BNIP5: variants seen among roughly 807,000 people sequenced by gnomAD.
BNIP5 encodes protein BNIP5.
Under a neutral mutation model 67.3 loss-of-function variants are expected in BNIP5, and 61 were observed. That is an observed-to-expected ratio of 0.91 (90% CI 0.74 to 1.12). BNIP5 has a LOEUF of 1.12. Among genes scored for constraint, BNIP5 ranks in the 50% most tolerant of loss-of-function variants. BNIP5 has a pLI of 0.00. For synonymous variants in BNIP5, 317 were observed against 319.0 expected, an observed-to-expected ratio of 0.99 and a Z score of 0.07; for missense variants, 826 against 816.3, an observed-to-expected ratio of 1.01 and a Z score of -0.14.
chr6:36,323,395 C>A lies in BNIP5; in HGVS notation c.1369G>T (p.Gly457Trp). 1 of 1,614,262 alleles carries A rather than the reference C, an allele frequency of 6.2e-7. No homozygotes were observed. The highest frequency in any genetic ancestry group is 8.5e-7 in the Non-Finnish European group (1 of 1,180,038). The change falls in exon 8 of 12, where the codon GGG becomes TGG. Residue 457 changes from glycine (G) to tryptophan (W), a missense_variant. Coordinates refer to ENST00000437635, the MANE Select transcript of BNIP5 (RefSeq NM_001010903.5). The stretch of plus-strand genomic sequence containing the variant: ...TCTGGGCTGGCAGCCCCTGCTGCCC[C>A]CGCTCTTCTGGGTTCCTTGGAGGTG... ...KHTSKEPRRA[G>W]AAGAASPEAR...
Position 36,324,571 on chromosome 6 carries a change from GATATT to G in BNIP5, c.1169-386_1169-382del, listed in dbSNP as rs1771712444. On this transcript the variant is annotated intron_variant, in intron 6 of 11. Coordinates refer to ENST00000437635, the MANE Select transcript of BNIP5 (RefSeq NM_001010903.5). ...TCCAGGTCTTTTCAGACCTGACGGT[GATATT>G]ATATATATATATATATATATATATA... 4.0e-5 allele frequency among the ~76,000 whole-genome samples: 3 copies of G among 74,248 alleles called. 1 individual carries two copies. The highest frequency in any genetic ancestry group is 7.2e-5 in the Non-Finnish European group (3 of 41,916). The allele number at this position is 74,248 out of a possible 152,430, so 48.7% of individuals were successfully genotyped here.
At chr6:36,333,353 T>C (rs994041224) in intron 1 of BNIP5, among the ~76,000 whole-genome samples, 6 of 152,228 alleles carry the variant, frequency 3.9e-5, no homozygotes, top group Admixed American at 2.6e-4. Context: ...AAAAGGAACA[T>C]CTGGGCTACA....
chr6:36,336,200 C>T (rs1772014118), intron 1 of BNIP5, among the ~76,000 whole-genome samples: 1 of 152,208 alleles, frequency 6.6e-6, no homozygotes, highest in Non-Finnish European at 1.5e-5. Flanking sequence ...GGACTAACTT[C>T]CAAAAACCTT....
intron 2 of BNIP5, 133 bp from the exon 3 acceptor site, chr6:36,328,847 C>T (rs1005682086): frequency 3.0e-6 from 2 of 659,042 alleles, no homozygotes; most frequent in Non-Finnish European, 5.5e-6. Flanking sequence ...CTGCAGCCCG[C>T]TCTAGGCTTA....
intron 10 of BNIP5, 26 bp downstream of exon 10, chr6:36,321,129 C>A (rs1213684904): frequency 1.3e-6 from 2 of 1,548,622 alleles, no homozygotes; most frequent in Non-Finnish European, 8.8e-7. Context: ...CTGGGGTTGG[C>A]CTGGGGAGGG....
Position 36,322,294 on chromosome 6 carries a change from G to A in BNIP5, c.1603+17C>T. 1 of 1,613,918 alleles carries A rather than the reference G, an allele frequency of 6.2e-7. No individual in the cohort carries two copies. The highest frequency in any genetic ancestry group is 8.5e-7 in the Non-Finnish European group (1 of 1,179,862). ...CACCCGGGAAGCTGTCCAGGTAAGA[G>A]CAGGGGTGTTACTGACTAGATTCAC... On this transcript the variant is annotated intron_variant, in intron 9 of 11. Coordinates refer to ENST00000437635, the MANE Select transcript of BNIP5 (RefSeq NM_001010903.5).
At chr6:36,330,037 G>A (rs1458757685) in intron 2 of BNIP5, 44 bp downstream of exon 2, 1 of 1,521,634 alleles carries the variant, frequency 6.6e-7, no homozygotes, top group South Asian at 1.3e-5. Flanking sequence ...AGCAAGTTTA[G>A]AGCACCCTAG....
At chr6:36,320,800 G>A (rs142526539) in intron 10 of BNIP5, among the ~76,000 whole-genome samples, 267 of 152,318 alleles carry the variant, frequency 1.8e-3, no homozygotes, top group South Asian at 4.1e-3. Flanking sequence ...TCAGCCGGGC[G>A]GGTGGGGCCA....
At chr6:36,327,639 T>C (rs1251355572) in intron 3 of BNIP5, among the ~76,000 whole-genome samples, 1 of 152,184 alleles carries the variant, frequency 6.6e-6, no homozygotes, top group Non-Finnish European at 1.5e-5. Context: ...AGAGACAGCC[T>C]GCCACGCTGA....
intron 5 of BNIP5, 52 bp from the exon 6 acceptor site, chr6:36,325,466 A>T (rs1418752438): frequency 4.5e-6 from 7 of 1,563,092 alleles, no homozygotes; most frequent in Non-Finnish European, 6.0e-6. Flanking sequence ...GGGGCTGTTA[A>T]CTATGCACAG....
rs933811477 is a variant in BNIP5 at position 36,321,029 on chromosome 6, G to A, written c.1668+126C>T. ...AATTCTCTCTCATTTTGGAAAAGAG[G>A]AAACCGAGACTCAGAGAGGTTAAGG... On this transcript the variant is annotated intron_variant, in intron 10 of 11. Transcript: ENST00000437635. 8 of 627,570 alleles carry A rather than the reference G, an allele frequency of 1.3e-5. No individual in the cohort carries two copies. The African/African-American group carries it at 1.3e-4, about 10-fold the overall frequency. 38.9% of individuals were successfully genotyped at this position (627,570 alleles called of 1,614,324 possible). A position where few individuals can be genotyped will look rare whatever the true frequency, so the allele number is the denominator to read the frequency against.
rs61230469 is a variant in BNIP5, at chr6:36,322,786, T to C, written c.1472-344A>G. On this transcript the variant is annotated intron_variant, in intron 8 of 11. Transcript: ENST00000437635. ...TTCTCCATCTGTTAAGTGGGAGTGA[T>C]AAGATTGACCTCACAGGGTTGCAAG... 7.8e-3 allele frequency among the ~76,000 whole-genome samples: 1,188 copies of C among 152,224 alleles called. 15 individuals carry two copies. Among genetic ancestry groups the C allele is most frequent in the African/African-American group, 0.026 (1,092 of 41,526 alleles).
At chr6:36,331,321 A>G (rs1771902035) in intron 1 of BNIP5, among the ~76,000 whole-genome samples, 1 of 152,230 alleles carries the variant, frequency 6.6e-6, no homozygotes, top group South Asian at 2.1e-4. Flanking sequence ...CCTGAAAGGA[A>G]CATAGCCCTG....
At chr6:36,330,810 C>T (rs1771888883) in intron 1 of BNIP5, 116 bp from the exon 2 acceptor site, 2 of 1,367,906 alleles carry the variant, frequency 1.5e-6, no homozygotes, top group East Asian at 2.5e-5. Context: ...ATTGCCCAGG[C>T]TGGAGTGCAG....
chr6:36,326,562 G>C lies in BNIP5; in HGVS notation c.984C>G (p.Ser328Arg), dbSNP rs143488492. 6.5e-5 allele frequency: 105 copies of C among 1,614,152 alleles called. 1 individual carries two copies. The highest frequency in any genetic ancestry group is 1.7e-5 in the Admixed American group (1 of 60,016). Residue 328 changes from serine (S) to arginine (R), a missense_variant, in exon 5 of 12, where the codon AGC (serine) becomes AGG (arginine). Ser to Arg is a moderately radical substitution (Grantham distance 110). Coordinates refer to ENST00000437635, the MANE Select transcript of BNIP5 (RefSeq NM_001010903.5). ...SPEAWPPKKS[S>R]FLPLCVSGHR... ...GGCCGCTGACACACAGGGGCAGAAAGCTGGACTTCTTGGGTGGCCAGGCCT... is the reference window on the plus strand; with the variant it reads ...GGCCGCTGACACACAGGGGCAGAAACCTGGACTTCTTGGGTGGCCAGGCCT...
Position 36,330,390 on chromosome 6 carries a change from T to C in BNIP5, c.301A>G (p.Lys101Glu). Residue 101 changes from lysine (K) to glutamate (E), a missense_variant, in exon 2 of 12, where the codon AAG becomes GAG. Physicochemically the swap from Lys to Glu is moderately conservative, Grantham distance 56. Coordinates refer to ENST00000437635, the MANE Select transcript of BNIP5 (RefSeq NM_001010903.5). ...CTCACGAAGAAGTTCAGCATGGTCT[T>C]CAGCCACCCCTTCTTGGTGTCTTGC... ...PSQDTKKGWL[K>E]TMLNFFVRTG... 4 of 1,614,188 alleles carry C rather than the reference T, an allele frequency of 2.5e-6. No homozygotes were observed. The highest frequency in any genetic ancestry group is 2.5e-6 in the Non-Finnish European group (3 of 1,180,032).
At position 36,324,576 on chromosome 6, in the gene BNIP5, T is replaced by C. The variant is rs1200232340; in HGVS notation, c.1169-386A>G. 5.8e-3 allele frequency among the ~76,000 whole-genome samples: 10 copies of C among 1,718 alleles called. No homozygotes were observed. In the East Asian group the frequency reaches 0.14, roughly 25 times the overall value. The allele number at this position is 1,718 out of a possible 152,430, so 1.1% of individuals were successfully genotyped here. ...GTCTTTTCAGACCTGACGGTGATATTATATATATATATATATATATATATA... is the reference window on the plus strand; with the variant it reads ...GTCTTTTCAGACCTGACGGTGATATCATATATATATATATATATATATATA... On this transcript the variant is annotated intron_variant, in intron 6 of 11. Transcript: ENST00000437635.
intron 11 of BNIP5, 110 bp from the exon 12 acceptor site, chr6:36,317,501 A>G: frequency 3.3e-6 from 3 of 917,224 alleles, no homozygotes; most frequent in Non-Finnish European, 5.4e-6. Context: ...CCCAGCCTCC[A>G]TCTCTGGGTC....
intron 1 of BNIP5, among the ~76,000 whole-genome samples, chr6:36,331,709 A>G (rs1167212742): frequency 6.6e-6 from 1 of 152,216 alleles, no homozygotes; most frequent in Non-Finnish European, 1.5e-5. Context: ...TTATTTAGAA[A>G]ATAGATATGG....
Sources: allele counts gnomAD v4.1 joint callset (sites outside exome capture counted in the v4.1 genomes callset), GRCh38; gene constraint gnomAD v4.1.1; transcripts MANE v1.5; gene names NCBI Gene and HGNC (gene_info 2026-07-23, HGNC 2026-07-21).